The following CCDC192 variants were observed in gnomAD, a reference collection of about 807,000 sequenced individuals.
The protein encoded by CCDC192 is coiled-coil domain containing 192, also known as coiled-coil domain-containing protein 192.
In CCDC192 at chr5:127,909,927, C is replaced by A. The variant is rs144633579; in HGVS notation, c.536-31255C>A. ...CCTCTTCTATGAAAAGGAATCAATA[C>A]AAGGATCAAATTTCCGTATTTTCAA... On this transcript the variant is annotated intron_variant, in intron 6 of 6. Coordinates refer to ENST00000514853, the MANE Select transcript of CCDC192 (RefSeq NM_001317938.2). 3.7e-3 allele frequency among the ~76,000 whole-genome samples: 562 copies of A among 152,264 alleles called. 6 individuals carry two copies. Among genetic ancestry groups the A allele is most frequent in the African/African-American group, 0.013 (533 of 41,544 alleles).
intron 5 of CCDC192, among the ~76,000 whole-genome samples, chr5:127,833,423 T>C (rs577508809): frequency 6.6e-6 from 1 of 152,298 alleles, no homozygotes; most frequent in Non-Finnish European, 1.5e-5. Context: ...TGATCTCTTC[T>C]GGTCTCTGTT....
At chr5:127,735,376 T>C (rs1373624387) in intron 2 of CCDC192, among the ~76,000 whole-genome samples, 1 of 148,948 alleles carries the variant, frequency 6.7e-6, no homozygotes, top group Non-Finnish European at 1.5e-5. Flanking sequence ...CCTCCAGCTT[T>C]GTTCTTTTGG....
chr5:127,859,546 T>G (rs201266252), intron 5 of CCDC192, among the ~76,000 whole-genome samples: 1 of 13,728 alleles, frequency 7.3e-5, no homozygotes, highest in Non-Finnish European at 1.6e-4. Flanking sequence ...ATTTTAAAGG[T>G]TTTTTTTTGT....
chr5:127,902,163 G>A (rs993389339), intron 6 of CCDC192, among the ~76,000 whole-genome samples: 15 of 151,956 alleles, frequency 9.9e-5, no homozygotes, highest in African/African-American at 1.7e-4. Context: ...TCCCAGCTAC[G>A]AGGGAGGCTG....
Position 127,764,884 on chromosome 5 carries a change from G to T in CCDC192, c.222+10509G>T, listed in dbSNP as rs534399454. On this transcript the variant is annotated intron_variant, in intron 3 of 6. Coordinates refer to ENST00000514853, the MANE Select transcript of CCDC192 (RefSeq NM_001317938.2). The stretch of plus-strand genomic sequence containing the variant: ...ATTTTAAGCCATTTCCTGGAAATAG[G>T]TTTTCTTCTATTTTTCAGTCCCTGG... Among the ~76,000 whole-genome samples, 6 of 152,330 alleles carry T rather than the reference G, an allele frequency of 3.9e-5. No individual in the cohort carries two copies. The East Asian group carries it at 9.6e-4, about 24-fold the overall frequency.
intron 5 of CCDC192, among the ~76,000 whole-genome samples, chr5:127,817,751 G>A (rs746335785): frequency 2.0e-5 from 3 of 152,030 alleles, no homozygotes; most frequent in Non-Finnish European, 4.4e-5. Context: ...CACTTTAAAA[G>A]GATGACTGCT....
At chr5:127,824,603 A>T (rs903315729) in intron 5 of CCDC192, among the ~76,000 whole-genome samples, 4 of 152,174 alleles carry the variant, frequency 2.6e-5, no homozygotes, top group African/African-American at 9.7e-5. Flanking sequence ...AAGGATAGAG[A>T]TACAGCTGGG....
chr5:127,915,733 T>A (rs1025447684), intron 6 of CCDC192, among the ~76,000 whole-genome samples: 5 of 152,246 alleles, frequency 3.3e-5, no homozygotes, highest in African/African-American at 1.2e-4. Context: ...CAATTTTTTT[T>A]TTTTAGCTCA....
At chr5:127,712,801 G>A (rs968134790) in intron 2 of CCDC192, among the ~76,000 whole-genome samples, 18 of 152,140 alleles carry the variant, frequency 1.2e-4, no homozygotes, top group African/African-American at 4.1e-4. Context: ...TCATATGGTA[G>A]GTGTACTTTT....
At chr5:127,832,219 T>C (rs1259048582) in intron 5 of CCDC192, among the ~76,000 whole-genome samples, 2 of 152,158 alleles carry the variant, frequency 1.3e-5, no homozygotes, top group East Asian at 1.9e-4. Flanking sequence ...ACTCATCTGA[T>C]TGGATAAAAT....
At chr5:127,725,563 A>G (rs1752273593) in intron 2 of CCDC192, among the ~76,000 whole-genome samples, 1 of 152,188 alleles carries the variant, frequency 6.6e-6, no homozygotes, top group Non-Finnish European at 1.5e-5. Flanking sequence ...TATTGTACTA[A>G]AGCTTCAAAA....
At chr5:127,783,974 A>C (rs755782491) in intron 3 of CCDC192, among the ~76,000 whole-genome samples, 1 of 152,096 alleles carries the variant, frequency 6.6e-6, no homozygotes, top group African/African-American at 2.4e-5. Flanking sequence ...TTTGGTGTCC[A>C]TTCATATGAA....
At chr5:127,921,449 C>G (rs1753719065) in intron 6 of CCDC192, among the ~76,000 whole-genome samples, 1 of 152,184 alleles carries the variant, frequency 6.6e-6, no homozygotes, top group Non-Finnish European at 1.5e-5. Context: ...TACCCACTAT[C>G]TGGCAACATA....
At chr5:127,753,442 A>T (rs917222872) in intron 2 of CCDC192, among the ~76,000 whole-genome samples, 3 of 152,198 alleles carry the variant, frequency 2.0e-5, no homozygotes, top group African/African-American at 7.2e-5. Flanking sequence ...TCACACCTGC[A>T]ATCCCAGCAC....
At chr5:127,822,463 A>T (rs1749336409) in intron 5 of CCDC192, among the ~76,000 whole-genome samples, 1 of 152,076 alleles carries the variant, frequency 6.6e-6, no homozygotes, top group Admixed American at 6.6e-5. Context: ...TAGTGGGGTT[A>T]AAAAAAAGAC....
At chr5:127,887,692 A>G (rs1752608497) in intron 6 of CCDC192, among the ~76,000 whole-genome samples, 1 of 151,718 alleles carries the variant, frequency 6.6e-6, no homozygotes, top group South Asian at 2.1e-4. Context: ...ATTAATTCAT[A>G]ATTTTTATTA....
At chr5:127,709,127 G>A in intron 2 of CCDC192, among the ~76,000 whole-genome samples, 1 of 142,978 alleles carries the variant, frequency 7.0e-6, no homozygotes. Flanking sequence ...GAGAGAGGGA[G>A]AGGGAGAGGG....
intron 5 of CCDC192, among the ~76,000 whole-genome samples, chr5:127,819,146 A>G (rs1445721081): frequency 1.3e-5 from 2 of 152,142 alleles, no homozygotes; most frequent in Non-Finnish European, 2.9e-5. Flanking sequence ...CCTGAAACCC[A>G]TGGCTCCAGA....
Position 127,797,167 on chromosome 5 carries a change from T to G in CCDC192, c.287T>G (p.Leu96Arg), listed in dbSNP as rs1468122678. ...LEQVSRLEEK[L>R]EAVDHKEASG... ...CAAGTATCCCGGCTGGAGGAAAAAC[T>G]GGAGGCTGTGGACCACAAGGAAGCC... The change falls in exon 4 of 7, where the codon CTG becomes CGG. Residue 96 changes from leucine (L) to arginine (R), a missense_variant. Transcript: ENST00000514853. The G allele has an allele frequency of 5.0e-6, 2 of 398,324 alleles. No homozygotes were observed. Among genetic ancestry groups the G allele is most frequent in the Non-Finnish European group, 8.9e-6 (2 of 225,686 alleles). 24.7% of individuals were successfully genotyped at this position (398,324 alleles called of 1,614,324 possible). A position where few individuals can be genotyped will look rare whatever the true frequency, so the allele number is the denominator to read the frequency against.
Sources: gnomAD v4.1 joint callset for allele counts (sites outside exome capture counted in the v4.1 genomes callset) on GRCh38, gnomAD v4.1.1 for gene constraint, MANE v1.5 for transcripts, NCBI Gene and HGNC (gene_info 2026-07-23, HGNC 2026-07-21) for gene names.